CGAS: variants seen among roughly 807,000 people sequenced by gnomAD.
The protein encoded by CGAS is cyclic GMP-AMP synthase.
CGAS carries 31 observed loss-of-function variants against 34.0 expected under a neutral mutation model. The ratio of observed to expected loss-of-function variants is 0.91; its 90% CI spans 0.69 to 1.23. CGAS has a LOEUF of 1.23. CGAS is among the 50% of genes most tolerant of loss of function. The pLI, the probability that CGAS is intolerant of heterozygous loss-of-function variation, is 0.00. For synonymous variants in CGAS, 266 were observed against 260.0 expected, an observed-to-expected ratio of 1.02 and a Z score of -0.22; for missense variants, 597 against 657.6, an observed-to-expected ratio of 0.91 and a Z score of 1.01.
At position 73,425,144 on chromosome 6, in the gene CGAS, C is replaced by T. The variant is rs1465025441; in HGVS notation, c.*83G>A. The T allele has an allele frequency of 1.8e-5, 18 of 1,020,936 alleles. No individual in the cohort carries two copies. The highest frequency in any genetic ancestry group is 1.3e-4 in the South Asian group (8 of 62,758). The allele number at this position is 1,020,936 out of a possible 1,614,324, so 63.2% of individuals were successfully genotyped here. A position where few individuals can be genotyped will look rare whatever the true frequency, so the allele number is the denominator to read the frequency against. ...CTGGGATTACAGGTGTGAGCCACAG[C>T]GTCTGGCCCCTTTTCAAATTTTTCT... On this transcript the variant is annotated 3_prime_UTR_variant, in exon 5 of 5. Coordinates refer to ENST00000370315, the MANE Select transcript of CGAS (RefSeq NM_138441.3).
intron 3 of CGAS, among the ~76,000 whole-genome samples, chr6:73,430,931 G>A (rs1403738735): frequency 6.6e-6 from 1 of 151,656 alleles, no homozygotes; most frequent in Non-Finnish European, 1.5e-5. Flanking sequence ...GCGAAACTCC[G>A]TCGCTACTAA....
At position 73,445,683 on chromosome 6, in the gene CGAS, T is replaced by C. The variant is rs1770457447; in HGVS notation, c.722A>G (p.Glu241Gly). The part of the protein sequence containing the change: ...KLEVPRIQLE[E>G]YSNTRAYYFV... ...GTAATATGCACGAGTGTTGGAATAT[T>C]CTTCTAGTTGAATTCTGGGGACTTC... Residue 241 changes from glutamate (E) to glycine (G), a missense_variant, in exon 2 of 5, where the codon GAA becomes GGA. Coordinates refer to ENST00000370315, the MANE Select transcript of CGAS (RefSeq NM_138441.3). 1 of 1,612,766 alleles carries C rather than the reference T, an allele frequency of 6.2e-7. No individual in the cohort carries two copies. Among genetic ancestry groups the C allele is most frequent in the African/African-American group, 1.3e-5 (1 of 75,000 alleles).
intron 4 of CGAS, among the ~76,000 whole-genome samples, chr6:73,427,722 A>G (rs1025310224): frequency 1.3e-5 from 2 of 152,132 alleles, no homozygotes; most frequent in African/African-American, 4.8e-5. Flanking sequence ...TACTTCCAAG[A>G]CTTTGGGAGG....
At chr6:73,441,355 C>T (rs762481734) in intron 2 of CGAS, among the ~76,000 whole-genome samples, 2 of 152,156 alleles carry the variant, frequency 1.3e-5, no homozygotes, top group Non-Finnish European at 2.9e-5. Context: ...ACCACAGCAA[C>T]AGCCTGGCAC....
Position 73,425,194 on chromosome 6 carries a change from C to T in CGAS, c.*33G>A, listed in dbSNP as rs779022111. 13 of 1,451,854 alleles carry T rather than the reference C, an allele frequency of 9.0e-6. No homozygotes were observed. Among genetic ancestry groups the T allele is most frequent in the Non-Finnish European group, 1.2e-5 (13 of 1,076,838 alleles). The allele number at this position is 1,451,854 out of a possible 1,614,324, so 89.9% of individuals were successfully genotyped here. The stretch of plus-strand genomic sequence containing the variant: ...TTGTATTCTCCAGGATTTAGGGTGA[C>T]TCTAGTTCTTAGATCTTTCTAAAAA... On this transcript the variant is annotated 3_prime_UTR_variant, in exon 5 of 5. Transcript: ENST00000370315.
intron 1 of CGAS, among the ~76,000 whole-genome samples, chr6:73,449,509 A>ACACAC (rs1554239200): frequency 1.7e-5 from 2 of 119,386 alleles, no homozygotes; most frequent in Non-Finnish European, 2.0e-5. Context: ...ACACACACAC[A>ACACAC]AAGTGGTTCT....
chr6:73,436,901 A>G (rs1407571803), intron 3 of CGAS, among the ~76,000 whole-genome samples: 3 of 152,116 alleles, frequency 2.0e-5, no homozygotes, highest in Non-Finnish European at 2.9e-5. Flanking sequence ...CTGTAATCCC[A>G]GTACTTTGGG....
chr6:73,426,522 ATT>A (rs113279771), intron 4 of CGAS, among the ~76,000 whole-genome samples: 16 of 140,630 alleles, frequency 1.1e-4, no homozygotes, highest in Non-Finnish European at 1.1e-4. Flanking sequence ...TATTTATACT[ATT>A]TTTTTTTTTT....
chr6:73,449,595 A>G (rs1770527830), intron 1 of CGAS, among the ~76,000 whole-genome samples: 1 of 152,178 alleles, frequency 6.6e-6, no homozygotes, highest in Non-Finnish European at 1.5e-5. Context: ...GACCCGCCAT[A>G]TACAGTAATT....
chr6:73,429,202 G>A (rs1166210005), intron 3 of CGAS, among the ~76,000 whole-genome samples: 3 of 144,962 alleles, frequency 2.1e-5, no homozygotes, highest in Admixed American at 6.9e-5. Context: ...AAAAAAAAAA[G>A]AAAGAAAGAA....
intron 3 of CGAS, among the ~76,000 whole-genome samples, chr6:73,435,300 T>G (rs1239803280): frequency 1.3e-5 from 2 of 152,264 alleles, no homozygotes; most frequent in Non-Finnish European, 2.9e-5. Context: ...ATATCATTTC[T>G]TACTTTTTGA....
intron 3 of CGAS, among the ~76,000 whole-genome samples, chr6:73,431,356 AG>A (rs2150810646): frequency 6.6e-6 from 1 of 152,254 alleles, no homozygotes; most frequent in African/African-American, 2.4e-5. Context: ...CTGTAATCCC[AG>A]CTACTCTGGA....
chr6:73,439,439 C>G (rs1770336809), intron 3 of CGAS, among the ~76,000 whole-genome samples: 1 of 150,232 alleles, frequency 6.7e-6, no homozygotes, highest in South Asian at 2.1e-4. Flanking sequence ...TGAGATTGTG[C>G]CACTGCACTT....
Position 73,451,576 on chromosome 6 carries a change from C to T in CGAS, c.606G>A (p.Ala202=). ...HLLLRLKCDS[A]FRGVGLLNTG... is the part of the protein sequence containing the mutation. Reference sequence around the variant, plus strand: ...TGTTCAGCAGCCCGACGCCTCTGAACGCGGAGTCGCACTTCAGTCTGAGCA... The same window carrying T: ...TGTTCAGCAGCCCGACGCCTCTGAATGCGGAGTCGCACTTCAGTCTGAGCA... Residue 202 remains alanine (A), a synonymous_variant, in exon 1 of 5, where the codon GCG becomes GCA. Coordinates refer to ENST00000370315, the MANE Select transcript of CGAS (RefSeq NM_138441.3). 1 of 1,611,480 alleles carries T rather than the reference C, an allele frequency of 6.2e-7. No homozygotes were observed. The highest frequency in any genetic ancestry group is 8.5e-7 in the Non-Finnish European group (1 of 1,178,986).
chr6:73,440,647 A>G (rs1182891571), intron 2 of CGAS, among the ~76,000 whole-genome samples: 1 of 152,184 alleles, frequency 6.6e-6, no homozygotes, highest in Non-Finnish European at 1.5e-5. Flanking sequence ...CATGCCTGTA[A>G]TCGCAGCACT....
At chr6:73,433,475 T>TC (rs1357439861) in intron 3 of CGAS, among the ~76,000 whole-genome samples, 1 of 149,066 alleles carries the variant, frequency 6.7e-6, no homozygotes, top group Non-Finnish European at 1.5e-5. Flanking sequence ...ATAAAAACTT[T>TC]TATAGAGAGT....
intron 4 of CGAS, among the ~76,000 whole-genome samples, chr6:73,426,427 T>C (rs1770089989): frequency 6.7e-6 from 1 of 149,468 alleles, no homozygotes; most frequent in Non-Finnish European, 1.5e-5. Flanking sequence ...GGTTTGAAGT[T>C]TCAAAAACAC....
chr6:73,449,971 G>A (rs560533453), intron 1 of CGAS, among the ~76,000 whole-genome samples: 1 of 151,628 alleles, frequency 6.6e-6, no homozygotes, highest in South Asian at 2.1e-4. Flanking sequence ...ACTACAGCCT[G>A]GGCAACAAGA....
intron 1 of CGAS, among the ~76,000 whole-genome samples, chr6:73,446,329 C>CAAAAAAA (rs55833644): frequency 8.7e-6 from 1 of 114,512 alleles, no homozygotes. Flanking sequence ...GACTCCATCT[C>CAAAAAAA]AAAAAAAAAA....
Sources: allele counts gnomAD v4.1 joint callset (sites outside exome capture counted in the v4.1 genomes callset), GRCh38; gene constraint gnomAD v4.1.1; transcripts MANE v1.5; gene names NCBI Gene and HGNC (gene_info 2026-07-23, HGNC 2026-07-21).